The following PRKAG2 variants were observed in gnomAD, a reference collection of about 807,000 sequenced individuals.
PRKAG2 encodes the protein 5'-AMP-activated protein kinase subunit gamma-2.
In PRKAG2, 26 loss-of-function variants were observed where a neutral mutation model predicts 69.6. The ratio of observed to expected loss-of-function variants is 0.37; its 90% CI spans 0.27 to 0.52. PRKAG2 has a LOEUF of 0.52. PRKAG2 is among the 20% of genes least tolerant of loss of function. PRKAG2 has a pLI of 0.90. For synonymous variants in PRKAG2, 293 were observed against 285.0 expected, an observed-to-expected ratio of 1.03 and a Z score of -0.28; for missense variants, 557 against 740.0, an observed-to-expected ratio of 0.75 and a Z score of 2.87.
intron 1 of PRKAG2, among the ~76,000 whole-genome samples, chr7:151,832,260 G>T (rs1042572335): frequency 8.0e-6 from 1 of 124,752 alleles, no homozygotes; most frequent in African/African-American, 3.8e-5. Context: ...AGGGAGGAGG[G>T]AAGGAAGGGA....
intron 3 of PRKAG2, among the ~76,000 whole-genome samples, chr7:151,764,947 G>C (rs1393181895): frequency 6.6e-6 from 1 of 152,232 alleles, no homozygotes. Flanking sequence ...CGAGCATCCT[G>C]TCTGCTGTGT....
At chr7:151,679,550 A>T (rs1476394686) in intron 3 of PRKAG2, among the ~76,000 whole-genome samples, 3 of 152,034 alleles carry the variant, frequency 2.0e-5, no homozygotes, top group Non-Finnish European at 4.4e-5. Flanking sequence ...CAGGGACCTG[A>T]TGGGGCAGAG....
intron 1 of PRKAG2, among the ~76,000 whole-genome samples, chr7:151,843,738 T>C (rs2079364388): frequency 1.3e-5 from 2 of 152,216 alleles, no homozygotes; most frequent in African/African-American, 4.8e-5. Context: ...ATAGATTCAT[T>C]TGGAATCAGC....
At chr7:151,701,670 C>T (rs1480958858) in intron 3 of PRKAG2, among the ~76,000 whole-genome samples, 4 of 151,978 alleles carry the variant, frequency 2.6e-5, no homozygotes, top group African/African-American at 9.7e-5. Flanking sequence ...GGTGAAACCC[C>T]ATCTCTACTA....
At chr7:151,724,711 C>CA (rs1797649417) in intron 3 of PRKAG2, among the ~76,000 whole-genome samples, 1 of 147,196 alleles carries the variant, frequency 6.8e-6, no homozygotes, top group African/African-American at 2.7e-5. Context: ...ACTCCCTAGC[C>CA]GGAGCAGCCG....
At chr7:151,587,343 CT>C (rs780000927) in intron 6 of PRKAG2, among the ~76,000 whole-genome samples, 23 of 152,174 alleles carry the variant, frequency 1.5e-4, no homozygotes, top group Non-Finnish European at 4.4e-5. Context: ...AGGGACAAAT[CT>C]CCCTTGCAGA....
intron 3 of PRKAG2, among the ~76,000 whole-genome samples, chr7:151,678,964 AAAAAAAAAG>A (rs1274780166): frequency 8.6e-5 from 13 of 151,288 alleles, no homozygotes; most frequent in African/African-American, 2.4e-4. Flanking sequence ...ACTCTGTCTC[AAAAAAAAAG>A]AAAAAAAAGA....
chr7:151,602,989 T>C (rs1227893745), intron 5 of PRKAG2, among the ~76,000 whole-genome samples: 1 of 152,206 alleles, frequency 6.6e-6, no homozygotes, highest in Admixed American at 6.5e-5. Flanking sequence ...CTTTATAAAT[T>C]ACCCACCCAG....
chr7:151,804,981 C>T (rs1234500023), intron 1 of PRKAG2, among the ~76,000 whole-genome samples: 2 of 152,186 alleles, frequency 1.3e-5, no homozygotes, highest in African/African-American at 2.4e-5. Context: ...AGTGGCTCAA[C>T]GCATGGCAGG....
chr7:151,591,895 G>A (rs1813241379), intron 6 of PRKAG2, among the ~76,000 whole-genome samples: 1 of 152,100 alleles, frequency 6.6e-6, no homozygotes, highest in Non-Finnish European at 1.5e-5. Flanking sequence ...ACAGTTCCTG[G>A]CCGACTGCAC....
intron 3 of PRKAG2, among the ~76,000 whole-genome samples, chr7:151,716,561 G>A (rs1369937301): frequency 6.6e-6 from 1 of 151,948 alleles, no homozygotes. Context: ...ACAGAACCCC[G>A]CCCAGCCTTG....
chr7:151,855,192 C>A (rs1449047660), intron 1 of PRKAG2, among the ~76,000 whole-genome samples: 1 of 125,550 alleles, frequency 8.0e-6, no homozygotes, highest in African/African-American at 3.0e-5. Context: ...ACACACCACC[C>A]TCCACACACA....
At chr7:151,654,881 C>T (rs761641422) in intron 4 of PRKAG2, among the ~76,000 whole-genome samples, 52 of 152,126 alleles carry the variant, frequency 3.4e-4, no homozygotes, top group Non-Finnish European at 2.2e-4. Flanking sequence ...TTAGTAGCAA[C>T]GGGGTTTTGC....
intron 1 of PRKAG2, among the ~76,000 whole-genome samples, chr7:151,852,048 AGCC>A: frequency 6.6e-6 from 1 of 152,320 alleles, no homozygotes; most frequent in Middle Eastern, 3.4e-3. Context: ...GAAGAATGCC[AGCC>A]TCAAAGCAAA....
chr7:151,616,013 C>G (rs1043542399), intron 5 of PRKAG2, among the ~76,000 whole-genome samples: 5 of 152,232 alleles, frequency 3.3e-5, no homozygotes, highest in Non-Finnish European at 5.9e-5. Context: ...CTCACCCACA[C>G]CAGCTCCTGT....
chr7:151,663,066 C>A (rs1178114231), intron 4 of PRKAG2, among the ~76,000 whole-genome samples: 1 of 151,008 alleles, frequency 6.6e-6, no homozygotes. Context: ...TGGTCTCTTC[C>A]AAAATTTAAA....
intron 3 of PRKAG2, among the ~76,000 whole-genome samples, chr7:151,714,441 G>A (rs377392133): frequency 1.8e-4 from 13 of 72,884 alleles, no homozygotes; most frequent in Non-Finnish European, 2.7e-4. Context: ...CCTCCCATCC[G>A]CGACCCGCCG....
chr7:151,741,496 G>T (rs1416139684), intron 3 of PRKAG2, among the ~76,000 whole-genome samples: 1 of 152,032 alleles, frequency 6.6e-6, no homozygotes, highest in Non-Finnish European at 1.5e-5. Flanking sequence ...TGACCAACAT[G>T]GTGAAAACCC....
intron 3 of PRKAG2, among the ~76,000 whole-genome samples, chr7:151,758,033 C>T (rs998320381): frequency 6.6e-6 from 1 of 152,256 alleles, no homozygotes; most frequent in Non-Finnish European, 1.5e-5. Context: ...AGAGTATATT[C>T]TCCACCTTTT....
Sources: gnomAD v4.1 joint callset for allele counts (sites outside exome capture counted in the v4.1 genomes callset) on GRCh38, gnomAD v4.1.1 for gene constraint, MANE v1.5 for transcripts, NCBI Gene and HGNC (gene_info 2026-07-23, HGNC 2026-07-21) for gene names.